The following AACS variants were observed in gnomAD, a reference collection of about 807,000 sequenced individuals.
AACS encodes the protein acetoacetyl-CoA synthetase.
AACS carries 69 observed loss-of-function variants against 83.1 expected under a neutral mutation model. The ratio of observed to expected loss-of-function variants is 0.83; its 90% CI spans 0.68 to 1.01. AACS has a LOEUF of 1.01. Ranked by LOEUF, AACS falls within the 50% of genes least tolerant of loss-of-function variation. The probability of loss-of-function intolerance (pLI) is 0.00; values close to 1 mark genes in which losing one functional copy is unlikely to be tolerated. For missense variants in AACS, 866 were observed against 882.2 expected, an observed-to-expected ratio of 0.98 and a Z score of 0.23; for synonymous variants, 333 against 343.4, an observed-to-expected ratio of 0.97 and a Z score of 0.33.
chr12:125,084,704 G>A (rs1365158547), intron 3 of AACS, among the ~76,000 whole-genome samples: 3 of 151,656 alleles, frequency 2.0e-5, no homozygotes, highest in South Asian at 2.1e-4. Context: ...TCAGTATCCC[G>A]AGTAGATAGG....
At chr12:125,074,120 G>T (rs1955953461) in intron 2 of AACS, 141 bp downstream of exon 2, 2 of 697,966 alleles carry the variant, frequency 2.9e-6, no homozygotes, top group Admixed American at 2.8e-5. Flanking sequence ...TAGAGAACTG[G>T]CATTAAATTA....
At chr12:125,109,149 T>G (rs1790976771) in intron 8 of AACS, among the ~76,000 whole-genome samples, 1 of 152,156 alleles carries the variant, frequency 6.6e-6, no homozygotes, top group South Asian at 2.1e-4. Context: ...TGTTTTGTTT[T>G]GAGATAGTTT....
chr12:125,115,364 G>A lies in AACS; in HGVS notation c.996+807G>A, dbSNP rs553229750. The stretch of plus-strand genomic sequence containing the variant: ...CAACCTCCACCTCTTGGGTTCAAGC[G>A]ATTCTTCTGCCTCAGCCTCCTGAGT... On this transcript the variant is annotated intron_variant, in intron 9 of 17. Transcript: ENST00000316519. Among the ~76,000 whole-genome samples, 36 of 151,784 alleles carry A rather than the reference G, an allele frequency of 2.4e-4. No individual in the cohort carries two copies. The East Asian group carries it at 6.0e-3, about 25-fold the overall frequency.
intron 3 of AACS, chr12:125,078,405 G>T (rs1956083483): frequency 2.2e-6 from 1 of 448,020 alleles, no homozygotes; most frequent in African/African-American, 2.0e-5. Flanking sequence ...TTGGTTCTCA[G>T]CCTTGACATG....
At chr12:125,134,504 T>A (rs570294635) in intron 15 of AACS, among the ~76,000 whole-genome samples, 1 of 152,158 alleles carries the variant, frequency 6.6e-6, no homozygotes, top group South Asian at 2.1e-4. Context: ...AGTGTCAGGA[T>A]GGGGGTTCCA....
chr12:125,087,320 T>TG (rs1956361330), intron 4 of AACS, among the ~76,000 whole-genome samples: 1 of 152,232 alleles, frequency 6.6e-6, no homozygotes, highest in African/African-American at 2.4e-5. Context: ...GGATAGCAAC[T>TG]GAGGATTTCC....
rs532743941 is a variant in AACS at position 125,080,234 on chromosome 12, C to G, written c.358+3623C>G. Among the ~76,000 whole-genome samples the G allele has an allele frequency of 2.0e-5, 3 of 152,268 alleles. No homozygotes were observed. In the South Asian group the frequency reaches 6.2e-4, roughly 32 times the overall value. On this transcript the variant is annotated intron_variant, in intron 3 of 17. Coordinates refer to ENST00000316519, the MANE Select transcript of AACS (RefSeq NM_023928.5). ...TGCGTCTCTTTTCTTTTCCTCGTCT[C>G]TTTAAATGTGTGTGCTTTAACCCAA...
Position 125,128,279 on chromosome 12 carries a change from TGGC to T in AACS, c.1423+6_1423+8del, listed in dbSNP as rs765495640. The T allele has an allele frequency of 3.7e-6, 6 of 1,609,658 alleles. No homozygotes were observed. The South Asian group carries it at 6.6e-5, about 18-fold the overall frequency. On this transcript the variant is annotated splice_donor_region_variant and intron_variant, in intron 13 of 17. Coordinates refer to ENST00000316519, the MANE Select transcript of AACS (RefSeq NM_023928.5). Reference sequence around the variant, plus strand: ...TGGAAGCGTGGAACGAGGAAGGTGATGGCTCCACCAACTGTTTCTTTCTGTGAT... The same window carrying T: ...TGGAAGCGTGGAACGAGGAAGGTGATTCCACCAACTGTTTCTTTCTGTGAT...
At position 125,104,468 on chromosome 12, in the gene AACS, A is replaced by AC. The variant is rs1257050932; in HGVS notation, c.767+1389dup. Among the ~76,000 whole-genome samples, 12 of 152,290 alleles carry AC rather than the reference A, an allele frequency of 7.9e-5. No homozygotes were observed. The East Asian group carries it at 2.3e-3, about 29-fold the overall frequency. ...CAATCTAGTTGGAGAGGTGAGACCC[A>AC]CCTGCAGGGAGGTTGAGCTGTGACC... On this transcript the variant is annotated intron_variant, in intron 7 of 17. Transcript: ENST00000316519.
rs1957473471 is a variant in AACS, at chr12:125,140,687, C to T, written c.1882-1405C>T. ...TCCTGAAGTTTCCTAGCCCACAACA[C>T]ACCAACACTGCCAAGGGCTCTTCTG... On this transcript the variant is annotated intron_variant, in intron 17 of 17. Coordinates refer to ENST00000316519, the MANE Select transcript of AACS (RefSeq NM_023928.5). The surrounding 1 kb of genome is among the most constrained non-coding windows in gnomAD (Gnocchi z 5.1). 1.3e-5 allele frequency: 2 copies of T among 152,012 alleles called. No individual in the cohort carries two copies. The highest frequency in any genetic ancestry group is 4.2e-4 in the South Asian group (2 of 4,808). The allele number at this position is 152,012 out of a possible 1,614,324, so 9.4% of individuals were successfully genotyped here.
rs745614910 is a variant in AACS at position 125,124,922 on chromosome 12, A to G, written c.1207A>G (p.Met403Val). The G allele has an allele frequency of 1.2e-5, 20 of 1,614,224 alleles. No individual in the cohort carries two copies. The South Asian group carries it at 2.1e-4, about 17-fold the overall frequency. ...MKPVETHSLQ[M>V]LHTILSTGSP... Reference sequence around the variant, plus strand: ...CCCAGTGGAAACCCACAGTCTCCAGATGCTCCACACGATCCTGTCCACTGG... The same window carrying G: ...CCCAGTGGAAACCCACAGTCTCCAGGTGCTCCACACGATCCTGTCCACTGG... Residue 403 changes from methionine to valine, a missense_variant, in exon 12 of 18, where the codon ATG (methionine) becomes GTG (valine). By Grantham distance (21) the Met-to-Val change is conservative. Transcript: ENST00000316519.
chr12:125,111,408 AT>A (rs1956950439), intron 8 of AACS, among the ~76,000 whole-genome samples: 1 of 152,294 alleles, frequency 6.6e-6, no homozygotes, highest in East Asian at 1.9e-4. Context: ...AGTGCATGTC[AT>A]TTTTTTAAGA....
chr12:125,072,237 A>G (rs1273754184), intron 1 of AACS, among the ~76,000 whole-genome samples: 3 of 151,144 alleles, frequency 2.0e-5, no homozygotes, highest in Non-Finnish European at 4.4e-5. Flanking sequence ...AGCTCACTGC[A>G]GACTTGAGCT....
At chr12:125,127,790 C>G (rs113738267) in intron 12 of AACS, 1 of 160,408 alleles carries the variant, frequency 6.2e-6, no homozygotes, top group African/African-American at 2.4e-5. Context: ...CCATGGCACT[C>G]GAGCCTTCCC....
At chr12:125,080,661 C>G (rs1298483124) in intron 3 of AACS, among the ~76,000 whole-genome samples, 1 of 151,574 alleles carries the variant, frequency 6.6e-6, no homozygotes, top group Non-Finnish European at 1.5e-5. Context: ...TGAGCCCCCC[C>G]TTTTTAAAAT....
At chr12:125,104,302 C>T (rs1956787415) in intron 7 of AACS, among the ~76,000 whole-genome samples, 2 of 152,156 alleles carry the variant, frequency 1.3e-5, no homozygotes, top group South Asian at 4.1e-4. Context: ...CCACGGGGAC[C>T]AGAGGTGGAA....
At chr12:125,125,057 A>G in intron 12 of AACS, 33 bp downstream of exon 12, 5 of 1,611,834 alleles carry the variant, frequency 3.1e-6, no homozygotes, top group Non-Finnish European at 4.2e-6. Context: ...CCTTCCAGCC[A>G]TCCCCGCCGG....
chr12:125,116,845 C>T (rs1957061733), intron 9 of AACS, among the ~76,000 whole-genome samples: 1 of 143,894 alleles, frequency 6.9e-6, no homozygotes, highest in Non-Finnish European at 1.5e-5. Context: ...TACTGTGACC[C>T]ACCCTCCCTC....
At chr12:125,138,141 G>GT (rs1957425959) in intron 17 of AACS, 1 of 152,286 alleles carries the variant, frequency 6.6e-6, no homozygotes, top group Admixed American at 6.5e-5. Context: ...TCGGGACCCT[G>GT]TTCCTCCTCC....
Sources: allele counts gnomAD v4.1 joint callset (sites outside exome capture counted in the v4.1 genomes callset), GRCh38; gene constraint gnomAD v4.1.1; non-coding constraint Gnocchi (gnomAD v3.1); transcripts MANE v1.5; gene names NCBI Gene and HGNC (gene_info 2026-07-23, HGNC 2026-07-21).